Variants in PLCB4 observed in about 807,000 individuals in gnomAD.
PLCB4 encodes 1-phosphatidylinositol 4,5-bisphosphate phosphodiesterase beta-4.
In PLCB4, 77 loss-of-function variants were observed where a neutral mutation model predicts 178.8. The ratio of observed to expected loss-of-function variants is 0.43; its 90% confidence interval spans 0.36 to 0.52. The LOEUF (loss-of-function observed/expected upper bound fraction) is 0.52, where lower values mean the gene tolerates loss of function less well. Ranked by LOEUF, PLCB4 falls within the 20% of genes least tolerant of loss-of-function variation. The probability of loss-of-function intolerance (pLI) is 0.00; values close to 1 mark genes in which losing one functional copy is unlikely to be tolerated. For synonymous variants in PLCB4, 496 were observed against 490.8 expected (o/e 1.01, Z -0.14); for missense variants, 1,024 against 1,453.4 (o/e 0.70, Z 4.80).
At chr20:9,438,680 TG>T (rs142380979) in intron 30 of PLCB4, among the ~76,000 whole-genome samples, 3,101 of 152,012 alleles carry the variant, frequency 0.02, 90 homozygotes, top group African/African-American at 0.071. Context: ...GCAGAATGAA[TG>T]GGGAAAAAAG....
chr20:9,270,299 C>T (rs2094390449), intron 3 of PLCB4, among the ~76,000 whole-genome samples: 1 of 152,090 alleles, frequency 6.6e-6, no homozygotes, highest in African/African-American at 2.4e-5. Flanking sequence ...AGTGTCTTTA[C>T]TCCAAAAAAT....
chr20:9,408,547 G>T, intron 22 of PLCB4, 86 bp from the exon 23 acceptor site: 1 of 671,778 alleles, frequency 1.5e-6, no homozygotes. Context: ...TCATGATTCA[G>T]GGTGTAATTG....
At chr20:9,166,584 G>A (rs1420866664) in intron 2 of PLCB4, 1 of 152,146 alleles carries the variant, frequency 6.6e-6, no homozygotes, top group Non-Finnish European at 1.5e-5. Flanking sequence ...TGGAAGGGGC[G>A]AGCTTATCCT....
intron 25 of PLCB4, among the ~76,000 whole-genome samples, chr20:9,417,604 G>C (rs1008965935): frequency 1.3e-5 from 2 of 151,970 alleles, no homozygotes; most frequent in Admixed American, 1.3e-4. Flanking sequence ...TTCATTCATC[G>C]ATGGACATTT....
intron 2 of PLCB4, among the ~76,000 whole-genome samples, chr20:9,169,135 G>C (rs1373957847): frequency 6.6e-6 from 1 of 152,088 alleles, no homozygotes; most frequent in Non-Finnish European, 1.5e-5. Context: ...TGGCTTGCAG[G>C]TGCTCCACTT....
At chr20:9,327,399 T>C (rs990353594) in intron 4 of PLCB4, among the ~76,000 whole-genome samples, 2 of 151,360 alleles carry the variant, frequency 1.3e-5, no homozygotes, top group Non-Finnish European at 2.9e-5. Context: ...GTGCTATGAT[T>C]GTACCAGGAG....
chr20:9,102,163 TGA>T (rs1023163965), intron 2 of PLCB4, among the ~76,000 whole-genome samples: 15 of 152,100 alleles, frequency 9.9e-5, no homozygotes, highest in Non-Finnish European at 1.5e-5. Flanking sequence ...GAGTTCTGAG[TGA>T]GTTTTTAATC....
At chr20:9,200,468 T>C (rs1001430895) in intron 2 of PLCB4, among the ~76,000 whole-genome samples, 9 of 152,194 alleles carry the variant, frequency 5.9e-5, no homozygotes, top group Non-Finnish European at 1.3e-4. Context: ...CGTAGTCAGT[T>C]CTCCAAAAGA....
At chr20:9,268,286 C>T (rs1369125300) in intron 3 of PLCB4, among the ~76,000 whole-genome samples, 1 of 152,116 alleles carries the variant, frequency 6.6e-6, no homozygotes, top group Non-Finnish European at 1.5e-5. Context: ...GGGTCTTGAT[C>T]AGTCTGATCA....
chr20:9,408,960 G>A, intron 23 of PLCB4, 97 bp from the exon 24 acceptor site: 1 of 1,075,892 alleles, frequency 9.3e-7, no homozygotes, highest in South Asian at 1.4e-5. Context: ...CTACTTGTTT[G>A]TCATTGTTGG....
rs73609459 is a variant in PLCB4, at chr20:9,337,525, G to T, written c.165+319G>T. Reference sequence around the variant, plus strand: ...TAGAAAGAAATCTGCCAGAAGAAGAGATGCTCAAGCTGAAATCTAAAAGGT... The same window carrying T: ...TAGAAAGAAATCTGCCAGAAGAAGATATGCTCAAGCTGAAATCTAAAAGGT... On this transcript the variant is annotated intron_variant, in intron 5 of 39. Transcript: ENST00000378473. Among the ~76,000 whole-genome samples the T allele has an allele frequency of 5.5e-3, 837 of 152,284 alleles. 8 individuals are homozygous for T. The highest frequency in any genetic ancestry group is 0.019 in the African/African-American group (801 of 41,556).
intron 3 of PLCB4, among the ~76,000 whole-genome samples, chr20:9,222,443 C>T (rs1418947096): frequency 6.6e-6 from 1 of 152,064 alleles, no homozygotes; most frequent in African/African-American, 2.4e-5. Context: ...GATTGTTCAC[C>T]TGATGTCCTA....
chr20:9,468,694 G>T, intron 36 of PLCB4, 22 bp downstream of exon 36: 1 of 1,319,882 alleles, frequency 7.6e-7, no homozygotes, highest in Non-Finnish European at 1.1e-6. Context: ...AGTGTTCACT[G>T]CAGGAATATG....
chr20:9,368,958 T>C (rs1273345593), intron 9 of PLCB4, among the ~76,000 whole-genome samples: 1 of 152,160 alleles, frequency 6.6e-6, no homozygotes, highest in African/African-American at 2.4e-5. Flanking sequence ...TATATAGAGA[T>C]TTGAGTAAAT....
At chr20:9,136,120 A>G (rs2092376785) in intron 2 of PLCB4, among the ~76,000 whole-genome samples, 1 of 152,124 alleles carries the variant, frequency 6.6e-6, no homozygotes, top group Admixed American at 6.6e-5. Flanking sequence ...ATACACATAA[A>G]TGCACACACA....
In PLCB4 at chr20:9,470,236, C is replaced by T. The variant is rs148341964; in HGVS notation, c.3350+1564C>T. Among the ~76,000 whole-genome samples, 452 of 152,012 alleles carry T rather than the reference C, an allele frequency of 3.0e-3. 4 individuals are homozygous for T. Among genetic ancestry groups the T allele is most frequent in the African/African-American group, 0.011 (436 of 41,468 alleles). On this transcript the variant is annotated intron_variant, in intron 36 of 39. Coordinates refer to ENST00000378473, the MANE Select transcript of PLCB4 (RefSeq NM_001377142.1). ...ATCCCAGCTACTCAGGAGGCTGAGGCAGGAGAATTGCTTGAACCCCAGGGG... is the reference window on the plus strand; with the variant it reads ...ATCCCAGCTACTCAGGAGGCTGAGGTAGGAGAATTGCTTGAACCCCAGGGG...
intron 13 of PLCB4, 50 bp from the exon 14 acceptor site, chr20:9,384,151 T>C (rs1011179693): frequency 7.6e-7 from 1 of 1,310,164 alleles, no homozygotes; most frequent in African/African-American, 1.4e-5. Flanking sequence ...AAACATGAGA[T>C]ATGCATCTTC....
chr20:9,129,764 CAT>C (rs953011302), intron 2 of PLCB4, among the ~76,000 whole-genome samples: 18 of 152,274 alleles, frequency 1.2e-4, no homozygotes, highest in Non-Finnish European at 1.6e-4. Flanking sequence ...ATTTTATACA[CAT>C]GTTTTCAAAA....
At chr20:9,332,351 A>G (rs1601896212) in intron 4 of PLCB4, among the ~76,000 whole-genome samples, 1 of 152,196 alleles carries the variant, frequency 6.6e-6, no homozygotes, top group Non-Finnish European at 1.5e-5. Flanking sequence ...AAGAATAGAC[A>G]TGATGTGTCT....
Sources: allele counts gnomAD v4.1 joint callset (sites outside exome capture counted in the v4.1 genomes callset), GRCh38; gene constraint gnomAD v4.1.1; transcripts MANE v1.5; gene names NCBI Gene and HGNC (gene_info 2026-07-23, HGNC 2026-07-21).